Variants in THAP8 observed in about 807,000 individuals in gnomAD.
THAP8 encodes the protein THAP domain-containing protein 8.
THAP8 carries 24 observed loss-of-function variants against 25.0 expected under a neutral mutation model. That is an observed-to-expected ratio of 0.96 (90% CI 0.69 to 1.35). The LOEUF is 1.35. Among genes scored for constraint, THAP8 ranks in the 40% most tolerant of loss-of-function variants. The probability of loss-of-function intolerance (pLI) is 0.00; values close to 1 mark genes in which losing one functional copy is unlikely to be tolerated. For synonymous variants in THAP8, 169 were observed against 157.6 expected (o/e 1.07, Z -0.54); for missense variants, 399 against 368.8 (o/e 1.08, Z -0.67).
rs773576976 is a variant in THAP8, at chr19:36,035,420, G to C, written c.*20C>G. 6.2e-7 allele frequency: 1 copy of C among 1,602,054 alleles called. No individual in the cohort carries two copies. On this transcript the variant is annotated 3_prime_UTR_variant, in exon 4 of 4. Coordinates refer to ENST00000292894, the MANE Select transcript of THAP8 (RefSeq NM_152658.3). ...CTCCATCTTCTATCTTTTGTCCCTC[G>C]ACATTGTCTGTCTTGATCCTTATGC...
chr19:36,052,596 C>G (rs1011156715), intron 1 of THAP8, among the ~76,000 whole-genome samples: 5 of 152,156 alleles, frequency 3.3e-5, no homozygotes, highest in African/African-American at 1.2e-4. Context: ...CAAATCAGAA[C>G]TGTGTGTAAA....
intron 3 of THAP8, among the ~76,000 whole-genome samples, chr19:36,037,380 A>ACACACACACACACACC (rs1024146227): frequency 6.9e-5 from 10 of 145,560 alleles, no homozygotes; most frequent in African/African-American, 2.3e-4. Context: ...ACACACACAC[A>ACACACACACACACACC]CCCAGCAGTA....
At chr19:36,036,272 C>CTT (rs35918803) in intron 3 of THAP8, among the ~76,000 whole-genome samples, 11,993 of 110,350 alleles carry the variant, frequency 0.11, 1,509 homozygotes, top group East Asian at 0.34. Flanking sequence ...AAAGACCAGA[C>CTT]TTTTTTTTTT....
In THAP8 at chr19:36,044,731, G is replaced by A. The variant is rs144511913; in HGVS notation, c.84-4595C>T. On this transcript the variant is annotated intron_variant, in intron 1 of 3. Coordinates refer to ENST00000292894, the MANE Select transcript of THAP8 (RefSeq NM_152658.3). ...TGGTCTTGAACTCCTGGGCTGAAGT[G>A]ATCTCCCACGTTGGCCTCCCAAAGT... 2.0e-3 allele frequency among the ~76,000 whole-genome samples: 309 copies of A among 152,248 alleles called. 4 individuals carry two copies. Among genetic ancestry groups the A allele is most frequent in the African/African-American group, 7.2e-3 (300 of 41,546 alleles).
rs1259279577 is a variant in THAP8 at position 36,039,549 on chromosome 19, G to C, written c.446C>G (p.Thr149Ser). Residue 149 changes from threonine to serine, a missense_variant, in exon 3 of 4, where the codon ACC becomes AGC. Physicochemically the swap from Thr to Ser is moderately conservative, Grantham distance 58. Transcript: ENST00000292894. ...SPKTVATMLL[T>S]PLAPAPTPER... ...AGGAGTTGGCGCAGGGGCCAGGGGGGTCAGGAGCATGGTGGCCACAGTCTT... is the reference window on the plus strand; with the variant it reads ...AGGAGTTGGCGCAGGGGCCAGGGGGCTCAGGAGCATGGTGGCCACAGTCTT... The C allele has an allele frequency of 2.6e-6, 4 of 1,531,612 alleles. No homozygotes were observed. Among genetic ancestry groups the C allele is most frequent in the Non-Finnish European group, 3.5e-6 (4 of 1,135,260 alleles). The allele number at this position is 1,531,612 out of a possible 1,614,324, so 94.9% of individuals were successfully genotyped here. A position where few individuals can be genotyped will look rare whatever the true frequency, so the allele number is the denominator to read the frequency against.
chr19:36,043,605 G>A (rs955866782), intron 1 of THAP8, among the ~76,000 whole-genome samples: 3 of 152,198 alleles, frequency 2.0e-5, no homozygotes, highest in African/African-American at 7.2e-5. Flanking sequence ...GGTGGCTCAC[G>A]CCTGTAATCC....
rs1213705559 is a variant in THAP8 at position 36,054,206 on chromosome 19, G to C, written c.12C>G (p.Tyr4Ter). 1.2e-6 allele frequency: 2 copies of C among 1,613,784 alleles called. No individual in the cohort carries two copies. The highest frequency in any genetic ancestry group is 1.7e-6 in the Non-Finnish European group (2 of 1,179,878). MPK[Y>*]CRAPNCSNTA... ...TGTTGGAGCAGTTCGGCGCCCTGCA[G>C]TACTTGGGCATGGCTATCCAGCCCC... Residue 4 changes from tyrosine to a stop codon, truncating the protein, a stop_gained, in exon 1 of 4, where the codon TAC becomes TAG. Transcript: ENST00000292894. LOFTEE classifies it high-confidence loss of function.
At chr19:36,045,069 C>CTTTATTTATTTA (rs141529354) in intron 1 of THAP8, among the ~76,000 whole-genome samples, 1 of 151,258 alleles carries the variant, frequency 6.6e-6, no homozygotes, top group Non-Finnish European at 1.5e-5. Context: ...GTGACTATTA[C>CTTTATTTATTTA]TTTATTTATT....
At chr19:36,043,646 C>G (rs1294933803) in intron 1 of THAP8, among the ~76,000 whole-genome samples, 1 of 152,108 alleles carries the variant, frequency 6.6e-6, no homozygotes, top group Non-Finnish European at 1.5e-5. Context: ...GTGGGCGGAT[C>G]ACTTGCAGTC....
chr19:36,047,846 A>G (rs1277545700), intron 1 of THAP8, among the ~76,000 whole-genome samples: 1 of 151,824 alleles, frequency 6.6e-6, no homozygotes, highest in Admixed American at 6.6e-5. Context: ...AAAAAGAAAG[A>G]AAAATAGTGA....
chr19:36,040,024 A>G lies in THAP8; in HGVS notation c.196T>C (p.Cys66Arg). The G allele has an allele frequency of 1.2e-6, 2 of 1,613,834 alleles. No homozygotes were observed. Among genetic ancestry groups the G allele is most frequent in the Non-Finnish European group, 1.7e-6 (2 of 1,179,942 alleles). Residue 66 changes from cysteine to arginine, a missense_variant, in exon 2 of 4, where the codon TGC (cysteine) becomes CGC (arginine). Physicochemically the swap from Cys to Arg is radical, Grantham distance 180. Transcript: ENST00000292894. ...HLCSEHFTPSCFQWRWGVRYL... is the reference protein window; with the variant it reads ...HLCSEHFTPSRFQWRWGVRYL... Reference sequence around the variant, plus strand: ...CGCACACCCCAGCGCCACTGGAAGCAGGAGGGTGTGAAGTGCTCGCTGCAC... The same window carrying G: ...CGCACACCCCAGCGCCACTGGAAGCGGGAGGGTGTGAAGTGCTCGCTGCAC...
chr19:36,039,809 G>T, intron 2 of THAP8, 91 bp from the exon 3 acceptor site: 2 of 1,515,758 alleles, frequency 1.3e-6, no homozygotes, highest in Non-Finnish European at 1.8e-6. Flanking sequence ...AGGGGGACTT[G>T]CCTAGGTAAG....
At chr19:36,054,055 C>T in intron 1 of THAP8, 80 bp downstream of exon 1, 3 of 1,496,332 alleles carry the variant, frequency 2.0e-6, no homozygotes, top group Non-Finnish European at 9.1e-7. Context: ...ACCAGAAGCC[C>T]CGCACAGCAG....
intron 1 of THAP8, among the ~76,000 whole-genome samples, chr19:36,049,551 A>G (rs1969993223): frequency 6.6e-6 from 1 of 152,134 alleles, no homozygotes; most frequent in South Asian, 2.1e-4. Context: ...TGGCTTCTGC[A>G]AGACTGACTC....
In THAP8 at chr19:36,035,441, T is replaced by C. The variant is rs1386631739; in HGVS notation, c.824A>G (p.Ter275=). The change falls in exon 4 of 4, where the codon TAA becomes TGA. Residue 275 remains the stop codon, a stop_retained_variant. Transcript: ENST00000292894. ...ELLDTRIPSA[*] The stretch of plus-strand genomic sequence containing the variant: ...CCTCGACATTGTCTGTCTTGATCCT[T>C]ATGCACTGGGGATCCGAGTGTCCAG... 3 of 1,613,476 alleles carry C rather than the reference T, an allele frequency of 1.9e-6. No individual in the cohort carries two copies. Among genetic ancestry groups the C allele is most frequent in the South Asian group, 2.2e-5 (2 of 91,058 alleles).
rs200190922 is a variant in THAP8, at chr19:36,035,496, G to T, written c.769C>A (p.Pro257Thr). The T allele has an allele frequency of 6.2e-7, 1 of 1,614,178 alleles. No individual in the cohort carries two copies. The highest frequency in any genetic ancestry group is 8.5e-7 in the Non-Finnish European group (1 of 1,180,014). Reference sequence around the variant, plus strand: ...TCCGGCTTGGCATCCACTGTGGCAGGTGCAGGGTCCTGGGCAAGGACCATG... The same window carrying T: ...TCCGGCTTGGCATCCACTGTGGCAGTTGCAGGGTCCTGGGCAAGGACCATG... ...IAMVLAQDPA[P>T]ATVDAKPELL... The change falls in exon 4 of 4, where the codon CCT becomes ACT. Residue 257 changes from proline to threonine, a missense_variant. Physicochemically the swap from Pro to Thr is conservative, Grantham distance 38. Coordinates refer to ENST00000292894, the MANE Select transcript of THAP8 (RefSeq NM_152658.3).
chr19:36,037,982 T>C (rs187981722), intron 3 of THAP8, among the ~76,000 whole-genome samples: 1 of 152,166 alleles, frequency 6.6e-6, no homozygotes, highest in East Asian at 1.9e-4. Context: ...TCTCGCTCTG[T>C]TGCCCAGGCT....
intron 1 of THAP8, among the ~76,000 whole-genome samples, chr19:36,042,034 A>C (rs1174288749): frequency 6.6e-6 from 1 of 150,946 alleles, no homozygotes; most frequent in Admixed American, 6.6e-5. Flanking sequence ...GCAGTGAGCT[A>C]TGATCACACT....
At chr19:36,047,505 T>C (rs903426528) in intron 1 of THAP8, among the ~76,000 whole-genome samples, 1 of 151,998 alleles carries the variant, frequency 6.6e-6, no homozygotes, top group African/African-American at 2.4e-5. Context: ...AGGCCAAGGA[T>C]GGAAGCCACA....
Sources: allele counts gnomAD v4.1 joint callset (sites outside exome capture counted in the v4.1 genomes callset), GRCh38; gene constraint gnomAD v4.1.1; transcripts MANE v1.5; gene names NCBI Gene and HGNC (gene_info 2026-07-23, HGNC 2026-07-21).